The following LONP2 variants were observed in gnomAD, a reference collection of about 807,000 sequenced individuals.
LONP2 encodes lon protease homolog 2, peroxisomal.
In LONP2, 60 loss-of-function variants were observed where a neutral mutation model predicts 85.6. That is an observed-to-expected ratio of 0.70 (90% CI 0.57 to 0.87). The LOEUF (loss-of-function observed/expected upper bound fraction) is 0.87, where lower values mean the gene tolerates loss of function less well. Among genes scored for constraint, LONP2 ranks in the 40% least tolerant of loss-of-function variants. LONP2 has a pLI of 0.00. For synonymous variants in LONP2, 395 were observed against 389.7 expected, an observed-to-expected ratio of 1.01 and a Z score of -0.16; for missense variants, 860 against 1,063.5, an observed-to-expected ratio of 0.81 and a Z score of 2.66.
chr16:48,260,721 A>G (rs931862723), intron 4 of LONP2, among the ~76,000 whole-genome samples: 3 of 152,222 alleles, frequency 2.0e-5, no homozygotes, highest in African/African-American at 4.8e-5. Context: ...TGATAGAGAG[A>G]TCATAGAGAA....
intron 11 of LONP2, among the ~76,000 whole-genome samples, chr16:48,328,100 T>C (rs1959303274): frequency 6.6e-6 from 1 of 151,944 alleles, no homozygotes; most frequent in Admixed American, 6.6e-5. Context: ...TCTGGGAGAA[T>C]TTGCTAAAGG....
chr16:48,335,664 A>T (rs1959624304), intron 12 of LONP2, among the ~76,000 whole-genome samples: 1 of 152,226 alleles, frequency 6.6e-6, no homozygotes, highest in Admixed American at 6.5e-5. Context: ...ATTTGAAATC[A>T]TTACCAGTAG....
intron 12 of LONP2, among the ~76,000 whole-genome samples, chr16:48,340,404 C>T (rs1027448096): frequency 2.0e-5 from 3 of 152,152 alleles, no homozygotes; most frequent in African/African-American, 7.2e-5. Flanking sequence ...AGACCTACCC[C>T]CAATCACCAA....
Position 48,322,635 on chromosome 16 carries a change from G to A in LONP2, c.1796-11581G>A, listed in dbSNP as rs1297513625. ...TGTGCCTGTAGTCCCAGCTACTCAG[G>A]AGGCTGAGGCAGGAAGATTGCTTGA... On this transcript the variant is annotated intron_variant, in intron 11 of 14. Transcript: ENST00000285737. Among the ~76,000 whole-genome samples, 10 of 152,178 alleles carry A rather than the reference G, an allele frequency of 6.6e-5. 1 individual carries two copies.
At chr16:48,314,379 G>A (rs1347035265) in intron 11 of LONP2, among the ~76,000 whole-genome samples, 12 of 151,974 alleles carry the variant, frequency 7.9e-5, no homozygotes, top group African/African-American at 1.7e-4. Context: ...ATCTTTGCCC[G>A]TGCCTATGTC....
At chr16:48,338,909 A>G (rs1959735166) in intron 12 of LONP2, among the ~76,000 whole-genome samples, 1 of 152,180 alleles carries the variant, frequency 6.6e-6, no homozygotes, top group African/African-American at 2.4e-5. Context: ...CCCTGTCTCA[A>G]AAAAATAAAA....
intron 8 of LONP2, among the ~76,000 whole-genome samples, chr16:48,286,217 C>G (rs1369401663): frequency 6.7e-6 from 1 of 148,812 alleles, no homozygotes; most frequent in Non-Finnish European, 1.5e-5. Context: ...TCTTGGCTCA[C>G]TGCAAGCTCC....
chr16:48,301,999 C>T (rs1387139700), intron 10 of LONP2, among the ~76,000 whole-genome samples: 1 of 152,184 alleles, frequency 6.6e-6, no homozygotes, highest in Non-Finnish European at 1.5e-5. Context: ...CAGAATTGAA[C>T]ACAGTGTTTC....
intron 11 of LONP2, among the ~76,000 whole-genome samples, chr16:48,316,481 C>A (rs558326984): frequency 1.3e-5 from 2 of 151,618 alleles, no homozygotes; most frequent in South Asian, 4.2e-4. Flanking sequence ...CGCCCGCCAC[C>A]ACACCCGACC....
intron 3 of LONP2, among the ~76,000 whole-genome samples, chr16:48,258,367 A>C (rs1268136176): frequency 6.6e-6 from 1 of 151,986 alleles, no homozygotes; most frequent in Admixed American, 6.6e-5. Flanking sequence ...GAAAAAAAAA[A>C]ACCACACAGC....
At chr16:48,348,415 T>C (rs982464658) in intron 14 of LONP2, 125 bp downstream of exon 14, 5 of 471,268 alleles carry the variant, frequency 1.1e-5, no homozygotes, top group African/African-American at 8.0e-5. Context: ...ATTATATTTT[T>C]ATGCCTGTAA....
At chr16:48,268,409 TA>T (rs1210220764) in intron 6 of LONP2, among the ~76,000 whole-genome samples, 1 of 152,144 alleles carries the variant, frequency 6.6e-6, no homozygotes, top group African/African-American at 2.4e-5. Flanking sequence ...AGTACCTTTT[TA>T]GGTACAAGAT....
intron 3 of LONP2, among the ~76,000 whole-genome samples, chr16:48,257,292 C>T (rs1971780382): frequency 6.6e-6 from 1 of 152,102 alleles, no homozygotes; most frequent in South Asian, 2.1e-4. Context: ...GCCTGGGCAA[C>T]AGAGACTCTG....
intron 2 of LONP2, 48 bp from the exon 3 acceptor site, chr16:48,256,562 A>G (rs772372264): frequency 1.5e-5 from 24 of 1,590,562 alleles, no homozygotes; most frequent in Non-Finnish European, 2.1e-5. Flanking sequence ...TTAAAAATTC[A>G]CAAATAATGC....
chr16:48,351,597 AC>A lies in LONP2; in HGVS notation c.2355del (p.Asp785GlufsTer11), dbSNP rs764447698. 6.2e-7 allele frequency: 1 copy of A among 1,613,974 alleles called. No individual in the cohort carries two copies. The highest frequency in any genetic ancestry group is 1.1e-5 in the South Asian group (1 of 91,078). ...GLVLPVGGIKDKVLAAHRAGL... is the reference protein window; with the variant it reads ...GLVLPVGGIKXKVLAAHRAGL... ...TCCTTACAGGTGGGTGGAATTAAAG[AC>A]AAAGTGCTGGCGGCACACAGAGCGG... On this transcript the variant is annotated frameshift_variant, in exon 15 of 15. Transcript: ENST00000285737. LOFTEE classifies it high-confidence loss of function.
intron 7 of LONP2, among the ~76,000 whole-genome samples, chr16:48,272,269 T>A (rs1972121007): frequency 6.6e-6 from 1 of 152,228 alleles, no homozygotes; most frequent in Admixed American, 6.5e-5. Context: ...GATTTTTTAA[T>A]TGCCTTCTAA....
intron 14 of LONP2, among the ~76,000 whole-genome samples, chr16:48,349,585 A>G (rs1960076683): frequency 6.6e-6 from 1 of 152,192 alleles, no homozygotes; most frequent in Admixed American, 6.5e-5. Flanking sequence ...CCAGACCATT[A>G]CAAGAGGCAG....
At chr16:48,288,045 G>A (rs1972483984) in intron 8 of LONP2, among the ~76,000 whole-genome samples, 1 of 151,792 alleles carries the variant, frequency 6.6e-6, no homozygotes, top group African/African-American at 2.4e-5. Flanking sequence ...AAAGATTTGT[G>A]TGTGAGTTGT....
chr16:48,263,332 C>G (rs1971917537), intron 6 of LONP2, among the ~76,000 whole-genome samples: 1 of 152,172 alleles, frequency 6.6e-6, no homozygotes, highest in South Asian at 2.1e-4. Context: ...TTCCCTTTAA[C>G]CATCACCTCC....
Sources: allele counts gnomAD v4.1 joint callset (sites outside exome capture counted in the v4.1 genomes callset), GRCh38; gene constraint gnomAD v4.1.1; transcripts MANE v1.5; gene names NCBI Gene and HGNC (gene_info 2026-07-23, HGNC 2026-07-21).